The following CACNA1C variants were observed in gnomAD, a reference collection of about 807,000 sequenced individuals.
CACNA1C encodes calcium voltage-gated channel subunit alpha1 C.
CACNA1C carries 30 observed loss-of-function variants against 229.0 expected under a neutral mutation model. That is an observed-to-expected ratio of 0.13 (90% confidence interval 0.10 to 0.18). CACNA1C has a LOEUF of 0.18. CACNA1C is among the 10% of genes least tolerant of loss of function. CACNA1C has a pLI of 1.00. For synonymous variants in CACNA1C, 1,114 were observed against 1,132.5 expected, an observed-to-expected ratio of 0.98 and a Z score of 0.33; for missense variants, 1,658 against 2,845.0, an observed-to-expected ratio of 0.58 and a Z score of 9.49.
intron 28 of CACNA1C, among the ~76,000 whole-genome samples, 181 bp from the exon 29 acceptor site, chr12:2,611,722 A>G (rs975845342): frequency 1.3e-5 from 2 of 152,100 alleles, no homozygotes; most frequent in Admixed American, 1.3e-4. Context: ...AGAGCAGGGA[A>G]GATCTTGGAG....
intron 5 of CACNA1C, among the ~76,000 whole-genome samples, chr12:2,484,546 G>A (rs762811635): frequency 6.6e-6 from 1 of 152,146 alleles, no homozygotes; most frequent in Non-Finnish European, 1.5e-5. Context: ...TGGCCTGGAG[G>A]GGAGCCTCCC....
chr12:2,298,073 G>A (rs942968842), intron 3 of CACNA1C, among the ~76,000 whole-genome samples: 7 of 152,180 alleles, frequency 4.6e-5, no homozygotes, highest in South Asian at 2.1e-4. Context: ...TGTGGAGTCC[G>A]ACAGTGGGGT....
At chr12:2,626,842 C>G (rs1483175262) in intron 29 of CACNA1C, among the ~76,000 whole-genome samples, 1 of 152,118 alleles carries the variant, frequency 6.6e-6, no homozygotes, top group Non-Finnish European at 1.5e-5. Flanking sequence ...TTCGTATGCC[C>G]AAGCCTTGCA....
intron 3 of CACNA1C, among the ~76,000 whole-genome samples, chr12:2,260,608 G>A (rs758149073): frequency 6.6e-6 from 1 of 152,154 alleles, no homozygotes; most frequent in Admixed American, 6.5e-5. Context: ...TGGGGCCCTC[G>A]GCCCGTCCTG....
chr12:2,677,776 G>C lies in CACNA1C; in HGVS notation c.5000G>C (p.Arg1667Pro). ...TLHDIGPEIR[R>P]AISGDLTAEE... ...CATGACATCGGGCCTGAGATCCGAC[G>C]GGCCATCTCTGGAGATCTCACCGCT... The change falls in exon 41 of 47, where the codon CGG becomes CCG. Residue 1667 changes from arginine to proline, a missense_variant. Physicochemically the swap from Arg to Pro is moderately radical, Grantham distance 103. This residue lies in a region of CACNA1C where 590 missense variants were observed against 700.8 expected (regional missense o/e 0.84). Coordinates refer to ENST00000399655, the MANE Select transcript of CACNA1C (RefSeq NM_000719.7). The surrounding 1 kb of genome is among the most constrained non-coding windows in gnomAD (Gnocchi z 7.4). The C allele has an allele frequency of 6.2e-7, 1 of 1,613,878 alleles. No individual in the cohort carries two copies. Among genetic ancestry groups the C allele is most frequent in the Non-Finnish European group, 8.5e-7 (1 of 1,179,844 alleles).
intron 1 of CACNA1C, among the ~76,000 whole-genome samples, chr12:2,071,163 TC>T (rs2061158077): frequency 1.6e-5 from 1 of 63,364 alleles, no homozygotes; most frequent in African/African-American, 7.0e-5. Flanking sequence ...CCTCCCTCCC[TC>T]CCTCCCTCCC....
In CACNA1C at chr12:2,529,941, A is replaced by T. The variant is rs537134396; in HGVS notation, c.1390+16957A>T. ...ACAACTAGAAAGCTGAATACATTTA[A>T]GGCTTGAAAGGTCAACTCCCTTCAA... On this transcript the variant is annotated intron_variant, in intron 9 of 46. Coordinates refer to ENST00000399655, the MANE Select transcript of CACNA1C (RefSeq NM_000719.7). Among the ~76,000 whole-genome samples the T allele has an allele frequency of 3.9e-5, 6 of 152,368 alleles. No homozygotes were observed. The South Asian group carries it at 1.2e-3, about 32-fold the overall frequency.
At chr12:2,538,967 G>C (rs1599332005) in intron 9 of CACNA1C, among the ~76,000 whole-genome samples, 1 of 152,210 alleles carries the variant, frequency 6.6e-6, no homozygotes, top group African/African-American at 2.4e-5. Flanking sequence ...CTCAGCAGCA[G>C]TCCAGCCTGC....
intron 3 of CACNA1C, among the ~76,000 whole-genome samples, chr12:2,124,252 GGCCAGGGT>G (rs2088827953): frequency 6.6e-6 from 1 of 151,986 alleles, no homozygotes; most frequent in African/African-American, 2.4e-5. Flanking sequence ...TCTTATAAAG[GGCCAGGGT>G]GTCAGGGTGG....
intron 3 of CACNA1C, among the ~76,000 whole-genome samples, chr12:2,399,811 C>T (rs2098651150): frequency 6.6e-6 from 1 of 152,224 alleles, no homozygotes; most frequent in Non-Finnish European, 1.5e-5. Flanking sequence ...ATATCATCCC[C>T]ATGGGTTTAC....
intron 1 of CACNA1C, among the ~76,000 whole-genome samples, chr12:1,989,680 T>C (rs2038846041): frequency 6.6e-6 from 1 of 152,200 alleles, no homozygotes; most frequent in Admixed American, 6.5e-5. Flanking sequence ...GCCACTGCAC[T>C]CCAGCCTGGA....
At position 2,453,327 on chromosome 12, in the gene CACNA1C, G is replaced by A. The variant is rs2099395788; in HGVS notation, c.617+4212G>A. Among the ~76,000 whole-genome samples the A allele has an allele frequency of 2.6e-5, 4 of 152,118 alleles. No individual in the cohort carries two copies. In the South Asian group the frequency reaches 8.3e-4, roughly 32 times the overall value. On this transcript the variant is annotated intron_variant, in intron 4 of 46. Transcript: ENST00000399655. The stretch of plus-strand genomic sequence containing the variant: ...CCATTTCTAGATCCAGATACCTGGG[G>A]CATAAGTCACTTAAGAGCTCAAGCC...
At chr12:2,171,958 A>G (rs1451719357) in intron 3 of CACNA1C, among the ~76,000 whole-genome samples, 1 of 152,188 alleles carries the variant, frequency 6.6e-6, no homozygotes. Context: ...GAAGACCAGT[A>G]TGCAGATGAC....
At chr12:2,179,831 T>C (rs577858015) in intron 3 of CACNA1C, among the ~76,000 whole-genome samples, 1 of 152,372 alleles carries the variant, frequency 6.6e-6, no homozygotes, top group South Asian at 2.1e-4. Context: ...GGAAGAGCTC[T>C]TGCCTTCCTG....
intron 3 of CACNA1C, among the ~76,000 whole-genome samples, chr12:2,434,102 G>A (rs1011858663): frequency 3.3e-5 from 5 of 152,086 alleles, no homozygotes; most frequent in African/African-American, 7.2e-5. Context: ...TCTCACCTGC[G>A]CTCCCTTCCT....
rs899189840 is a variant in CACNA1C, at chr12:2,504,774, C to A, written c.1114-68C>A. The A allele has an allele frequency of 2.0e-6, 2 of 994,634 alleles. No individual in the cohort carries two copies. Among genetic ancestry groups the A allele is most frequent in the Non-Finnish European group, 3.2e-6 (2 of 627,500 alleles). The allele number at this position is 994,634 out of a possible 1,614,324, so 61.6% of individuals were successfully genotyped here. On this transcript the variant is annotated intron_variant, in intron 7 of 46. Coordinates refer to ENST00000399655, the MANE Select transcript of CACNA1C (RefSeq NM_000719.7). The surrounding 1 kb of genome is among the most constrained non-coding windows in gnomAD (Gnocchi z 6.8). Reference sequence around the variant, plus strand: ...GCTGCGTGGGTCAGTGTCTCGGGAGCCGGGGACCGGCACTGGCCGTGCTCG... The same window carrying A: ...GCTGCGTGGGTCAGTGTCTCGGGAGACGGGGACCGGCACTGGCCGTGCTCG...
chr12:2,409,556 AG>A (rs766182669), intron 3 of CACNA1C, among the ~76,000 whole-genome samples: 10 of 152,206 alleles, frequency 6.6e-5, no homozygotes, highest in Non-Finnish European at 1.3e-4. Flanking sequence ...CTCCTATTTT[AG>A]GTTTCTCACC....
chr12:2,238,813 G>C (rs1051765708), intron 3 of CACNA1C, among the ~76,000 whole-genome samples: 6 of 152,198 alleles, frequency 3.9e-5, no homozygotes, highest in Admixed American at 2.6e-4. Flanking sequence ...GCCTGGTTAA[G>C]GCTGAAATTT....
chr12:2,041,218 G>A (rs1049046392), intron 1 of CACNA1C, among the ~76,000 whole-genome samples: 1 of 150,588 alleles, frequency 6.6e-6, no homozygotes, highest in Non-Finnish European at 1.5e-5. Context: ...AACAATCTGG[G>A]TTGAAAAAGA....
Sources: allele counts gnomAD v4.1 joint callset (sites outside exome capture counted in the v4.1 genomes callset), GRCh38; gene constraint gnomAD v4.1.1; regional missense constraint gnomAD v4.1.1; non-coding constraint Gnocchi (gnomAD v3.1); transcripts MANE v1.5; gene names NCBI Gene and HGNC (gene_info 2026-07-23, HGNC 2026-07-21).